Variants in CEP350 observed in about 807,000 individuals in gnomAD.
CEP350 encodes centrosomal protein 350, also known as centrosome-associated protein 350.
In CEP350, 126 loss-of-function variants were observed where a neutral mutation model predicts 331.8. The ratio of observed to expected loss-of-function variants is 0.38; its 90% confidence interval spans 0.33 to 0.44. The LOEUF (loss-of-function observed/expected upper bound fraction) is 0.44. CEP350 is among the 20% of genes least tolerant of loss of function. CEP350 has a pLI of 1.00. For synonymous variants in CEP350, 1,200 were observed against 1,259.5 expected, an observed-to-expected ratio of 0.95 and a Z score of 1.00; for missense variants, 3,406 against 3,634.6, an observed-to-expected ratio of 0.94 and a Z score of 1.62.
intron 15 of CEP350, 130 bp downstream of exon 15, chr1:180,031,624 G>A (rs1301218926): frequency 5.2e-6 from 2 of 386,682 alleles, no homozygotes; most frequent in African/African-American, 2.1e-5. Flanking sequence ...ACAAAATTCT[G>A]TATTTTACAA....
chr1:180,018,853 CT>C lies in CEP350; in HGVS notation c.2175-1093del, dbSNP rs1479479698. Among the ~76,000 whole-genome samples the C allele has an allele frequency of 1.8e-4, 15 of 83,758 alleles. 1 individual carries two copies. Among genetic ancestry groups the C allele is most frequent in the Non-Finnish European group, 4.0e-4 (13 of 32,450 alleles). The allele number at this position is 83,758 out of a possible 152,430, so 54.9% of individuals were successfully genotyped here. A position where few individuals can be genotyped will look rare whatever the true frequency, so the allele number is the denominator to read the frequency against. On this transcript the variant is annotated intron_variant, in intron 11 of 37. Transcript: ENST00000367607. ...AAAGCCTCATGTTCGTCTTCTCTTTCTTTCTTTTTTTTTTTTTTTTTCTGAG... is the reference window on the plus strand; with the variant it reads ...AAAGCCTCATGTTCGTCTTCTCTTTCTTCTTTTTTTTTTTTTTTTTCTGAG...
intron 16 of CEP350, among the ~76,000 whole-genome samples, chr1:180,035,990 T>C (rs1300264600): frequency 2.0e-5 from 3 of 152,192 alleles, no homozygotes; most frequent in South Asian, 2.1e-4. Context: ...TTAAGAACAG[T>C]TGTGATTCGT....
chr1:180,011,215 T>C (rs1393329231), intron 8 of CEP350, among the ~76,000 whole-genome samples: 2 of 152,240 alleles, frequency 1.3e-5, no homozygotes, highest in African/African-American at 4.8e-5. Context: ...TTTTGGTACA[T>C]ATCTGTAAAA....
At chr1:180,028,588 A>C (rs556039575) in intron 14 of CEP350, among the ~76,000 whole-genome samples, 5 of 152,146 alleles carry the variant, frequency 3.3e-5, no homozygotes, top group African/African-American at 1.2e-4. Flanking sequence ...CAGGAGTTCA[A>C]ACTCCTGGAG....
intron 6 of CEP350, among the ~76,000 whole-genome samples, chr1:179,997,845 A>T (rs1347828964): frequency 6.6e-6 from 1 of 152,208 alleles, no homozygotes; most frequent in Non-Finnish European, 1.5e-5. Flanking sequence ...ATTTCCAGAA[A>T]ATATTTGAGT....
chr1:180,036,846 G>C, intron 16 of CEP350, 80 bp from the exon 17 acceptor site: 1 of 1,396,728 alleles, frequency 7.2e-7, no homozygotes, highest in Non-Finnish European at 9.4e-7. Flanking sequence ...GTTGATTTTG[G>C]CTCTTAAAAT....
chr1:179,959,675 AC>A (rs1650441578), intron 1 of CEP350, among the ~76,000 whole-genome samples: 1 of 151,790 alleles, frequency 6.6e-6, no homozygotes, highest in South Asian at 2.1e-4. Context: ...AATTGCTTGA[AC>A]CTGAGTGGCA....
At chr1:180,083,492 T>G (rs1361815497) in intron 30 of CEP350, among the ~76,000 whole-genome samples, 1 of 152,106 alleles carries the variant, frequency 6.6e-6, no homozygotes, top group Non-Finnish European at 1.5e-5. Flanking sequence ...GTCTATTTCT[T>G]TATAACTTCT....
At chr1:180,041,917 CT>C in intron 19 of CEP350, 115 bp downstream of exon 19, 2 of 952,050 alleles carry the variant, frequency 2.1e-6, no homozygotes, top group Admixed American at 2.6e-5. Context: ...GAATTAGTGA[CT>C]TTTAGTGGGG....
intron 37 of CEP350, among the ~76,000 whole-genome samples, chr1:180,100,763 A>T (rs1660757216): frequency 6.6e-6 from 1 of 152,244 alleles, no homozygotes. Context: ...GATCTTAAAG[A>T]TGAATACATG....
intron 33 of CEP350, 125 bp from the exon 34 acceptor site, chr1:180,092,489 A>G (rs1660255511): frequency 3.6e-6 from 2 of 552,758 alleles, no homozygotes; most frequent in South Asian, 3.9e-5. Context: ...TAGCCAAAAC[A>G]GGTCATATTT....
chr1:180,078,613 T>C lies in CEP350; in HGVS notation c.5918T>C (p.Ile1973Thr). The change falls in exon 29 of 38, where the codon ATA becomes ACA. Residue 1973 changes from isoleucine to threonine, a missense_variant. Transcript: ENST00000367607. The stretch of plus-strand genomic sequence containing the variant: ...CAGCCAGGGAGTCCAGATCACAGTA[T>C]ACTTACTGAAGAAATGATTTGTTCA... The part of the protein sequence containing the change: ...QEQPGSPDHS[I>T]LTEEMICSQE... 1 of 1,613,028 alleles carries C rather than the reference T, an allele frequency of 6.2e-7. No homozygotes were observed. The highest frequency in any genetic ancestry group is 1.1e-5 in the South Asian group (1 of 90,890).
At chr1:179,967,373 A>G (rs1329181881) in intron 1 of CEP350, among the ~76,000 whole-genome samples, 1 of 152,130 alleles carries the variant, frequency 6.6e-6, no homozygotes, top group Non-Finnish European at 1.5e-5. Flanking sequence ...AAAATCAGTG[A>G]TAAGTAATAG....
chr1:179,991,245 A>G (rs1653033612), intron 4 of CEP350, among the ~76,000 whole-genome samples: 1 of 151,520 alleles, frequency 6.6e-6, no homozygotes, highest in Non-Finnish European at 1.5e-5. Flanking sequence ...GGTGACTGTC[A>G]TAAATTGATA....
At chr1:180,032,959 C>G (rs886781546) in intron 15 of CEP350, among the ~76,000 whole-genome samples, 1 of 152,076 alleles carries the variant, frequency 6.6e-6, no homozygotes, top group Non-Finnish European at 1.5e-5. Context: ...CAAATAAACA[C>G]ATGAGTGCCT....
chr1:180,013,798 G>A (rs1269800487), intron 9 of CEP350, 49 bp from the exon 10 acceptor site: 3 of 1,466,746 alleles, frequency 2.0e-6, no homozygotes, highest in Admixed American at 2.2e-5. Flanking sequence ...TTAAATCTTA[G>A]GAATGAGTAT....
chr1:180,108,313 A>G (rs1028396425), intron 37 of CEP350, among the ~76,000 whole-genome samples: 1 of 152,176 alleles, frequency 6.6e-6, no homozygotes, highest in Non-Finnish European at 1.5e-5. Flanking sequence ...TGTGGAGGAA[A>G]TTGCTCAAAG....
At chr1:179,962,403 T>G (rs569850425) in intron 1 of CEP350, among the ~76,000 whole-genome samples, 1 of 151,896 alleles carries the variant, frequency 6.6e-6, no homozygotes, top group Non-Finnish European at 1.5e-5. Flanking sequence ...GTTTTTTGTT[T>G]GTTTGTTTGT....
At chr1:180,018,949 G>A (rs543179850) in intron 11 of CEP350, among the ~76,000 whole-genome samples, 1 of 150,852 alleles carries the variant, frequency 6.6e-6, no homozygotes, top group East Asian at 2.0e-4. Flanking sequence ...TCCACCTCTC[G>A]GGTTCAAGCG....
Sources: gnomAD v4.1 joint callset for allele counts (sites outside exome capture counted in the v4.1 genomes callset) on GRCh38, gnomAD v4.1.1 for gene constraint, MANE v1.5 for transcripts, NCBI Gene and HGNC (gene_info 2026-07-23, HGNC 2026-07-21) for gene names.